The following PAK4 variants were observed in gnomAD, a reference collection of about 807,000 sequenced individuals.
PAK4 encodes the protein p21 (RAC1) activated kinase 4, also known as serine/threonine-protein kinase PAK 4.
A neutral mutation model predicts 53.5 loss-of-function variants in PAK4; 49 were observed. The observed-to-expected ratio is 0.92, with a 90% CI of 0.73 to 1.16. The LOEUF (loss-of-function observed/expected upper bound fraction) is 1.16, where lower values mean the gene tolerates loss of function less well. Among genes scored for constraint, PAK4 ranks in the 50% most tolerant of loss-of-function variants. The probability of loss-of-function intolerance (pLI) is 0.00; values close to 1 mark genes in which losing one functional copy is unlikely to be tolerated. For missense variants in PAK4, 824 were observed against 850.7 expected (o/e 0.97, Z 0.39); for synonymous variants, 376 against 375.6 (o/e 1.00, Z -0.01).
chr19:39,179,866 A>T (rs2074682715), downstream of PAK4: 1 of 152,190 alleles, frequency 6.6e-6, no homozygotes, highest in Non-Finnish European at 1.5e-5. Flanking sequence ...TCCACGCAGG[A>T]GCCCAGAGCC....
chr19:39,164,031 C>T (rs1211463354), intron 1 of PAK4, among the ~76,000 whole-genome samples: 3 of 152,154 alleles, frequency 2.0e-5, no homozygotes, highest in Non-Finnish European at 4.4e-5. Flanking sequence ...AATCCCAACA[C>T]TTTGGGAGGC....
chr19:39,171,306 T>G (rs2074474696), intron 2 of PAK4, among the ~76,000 whole-genome samples: 1 of 152,000 alleles, frequency 6.6e-6, no homozygotes, highest in African/African-American at 2.4e-5. Context: ...CCTCCTGGGT[T>G]CAAGCGATTT....
intron 8 of PAK4, 139 bp downstream of exon 9, chr19:39,177,948 G>T: frequency 1.0e-6 from 1 of 981,932 alleles, no homozygotes. Context: ...CCCCACCCCC[G>T]GGCCTCATGT....
At position 39,173,210 on chromosome 19, in the gene PAK4, G is replaced by T. The variant is rs775587047; in HGVS notation, c.497G>T (p.Gly166Val). ...AAGAGGCCCAAGTCTTCCAGGGAGG[G>T]CTCAGGGGGTCCCCAGGAGTCCTCC... Residue 166 changes from glycine (G) to valine (V), a missense_variant, in exon 3 of 9, where the codon GGC (glycine) becomes GTC (valine). By Grantham distance (109) the Gly-to-Val change is moderately radical. Transcript: ENST00000358301. This position sits in a 1 kb window ranked among gnomAD's most constrained non-coding sequence, Gnocchi z 6.9. 6.4e-7 allele frequency: 1 copy of T among 1,555,636 alleles called. No homozygotes were observed. The highest frequency in any genetic ancestry group is 1.9e-5 in the Admixed American group (1 of 51,918).
rs1057487673 is a variant in PAK4 at position 39,173,425 on chromosome 19, C to G, written c.663+49C>G. ...CCCCCACTGTCCCCTGCCCGTTGCT[C>G]CTCTGTCCCCACCTTCCAGCCCCGC... On this transcript the variant is annotated intron_variant, in intron 3 of 8. Coordinates refer to ENST00000358301, the Ensembl canonical transcript of PAK4. The surrounding 1 kb of genome is among the most constrained non-coding windows in gnomAD (Gnocchi z 6.9). 1 of 1,427,490 alleles carries G rather than the reference C, an allele frequency of 7.0e-7. No homozygotes were observed. Among genetic ancestry groups the G allele is most frequent in the Non-Finnish European group, 9.4e-7 (1 of 1,068,048 alleles). 88.4% of individuals were successfully genotyped at this position (1,427,490 alleles called of 1,614,324 possible). A position where few individuals can be genotyped will look rare whatever the true frequency, so the allele number is the denominator to read the frequency against.
chr19:39,171,751 C>A (rs2074484736), intron 2 of PAK4, among the ~76,000 whole-genome samples: 2 of 152,196 alleles, frequency 1.3e-5, no homozygotes, highest in African/African-American at 4.8e-5. Flanking sequence ...AGGCAGGCCT[C>A]CGGCTGGAGG....
intron 1 of PAK4, among the ~76,000 whole-genome samples, chr19:39,166,930 A>G (rs1247399170): frequency 1.3e-5 from 2 of 152,234 alleles, no homozygotes; most frequent in African/African-American, 2.4e-5. Context: ...CCCTCTGTGC[A>G]GTGCCCAGAG....
chr19:39,147,849 T>TG (rs1176658528), intron 1 of PAK4, among the ~76,000 whole-genome samples: 1 of 147,332 alleles, frequency 6.8e-6, no homozygotes, highest in East Asian at 1.9e-4. Flanking sequence ...GGGTTTTTTT[T>TG]TTTTTTTTTT....
intron 4 of PAK4, 93 bp from the exon 6 acceptor site, chr19:39,174,838 G>A: frequency 6.8e-7 from 1 of 1,466,412 alleles, no homozygotes. Flanking sequence ...GCTTAATGTG[G>A]AACTGCAGGG....
intron 1 of PAK4, among the ~76,000 whole-genome samples, chr19:39,141,426 CT>C (rs2073907780): frequency 6.6e-6 from 1 of 151,506 alleles, no homozygotes; most frequent in Non-Finnish European, 1.5e-5. Flanking sequence ...AGTGATTCTC[CT>C]GCCTCAGCCT....
At chr19:39,142,162 G>A (rs1220045430) in intron 1 of PAK4, among the ~76,000 whole-genome samples, 6 of 152,154 alleles carry the variant, frequency 3.9e-5, no homozygotes, top group Admixed American at 2.6e-4. Flanking sequence ...GCTCTTTGGC[G>A]TGCATGTTGT....
chr19:39,167,154 T>G (rs1163815425), intron 1 of PAK4, among the ~76,000 whole-genome samples: 1 of 152,214 alleles, frequency 6.6e-6, no homozygotes, highest in Non-Finnish European at 1.5e-5. Flanking sequence ...CCCTCCGGGC[T>G]TAGTGAGGGG....
At chr19:39,138,836 C>T (rs1287990464) in intron 1 of PAK4, among the ~76,000 whole-genome samples, 4 of 152,186 alleles carry the variant, frequency 2.6e-5, no homozygotes, top group South Asian at 2.1e-4. Flanking sequence ...CTCTGGGATG[C>T]GGGAAGCAGC....
chr19:39,138,276 C>G (rs1039996538), intron 1 of PAK4, among the ~76,000 whole-genome samples: 1 of 151,760 alleles, frequency 6.6e-6, no homozygotes, highest in Non-Finnish European at 1.5e-5. Flanking sequence ...TAGTCTCAAA[C>G]TCCTGAGCTC....
intron 1 of PAK4, among the ~76,000 whole-genome samples, chr19:39,165,431 C>T (rs996847543): frequency 2.0e-5 from 3 of 149,650 alleles, no homozygotes; most frequent in Non-Finnish European, 4.4e-5. Context: ...AGGAGAATGG[C>T]GCAAACCCGG....
At chr19:39,130,231 C>G (rs73930288) in intron 1 of PAK4, among the ~76,000 whole-genome samples, 1 of 66,924 alleles carries the variant, frequency 1.5e-5, no homozygotes, top group African/African-American at 4.4e-5. Flanking sequence ...CAGGGTGGGA[C>G]TGGGGGGGAC....
chr19:39,159,494 T>A (rs1344418499), intron 1 of PAK4, among the ~76,000 whole-genome samples: 1 of 152,176 alleles, frequency 6.6e-6, no homozygotes, highest in Non-Finnish European at 1.5e-5. Context: ...CAAGTGATTC[T>A]CGTGCCTCAG....
intron 1 of PAK4, among the ~76,000 whole-genome samples, chr19:39,150,319 G>T (rs901529592): frequency 5.3e-5 from 8 of 152,074 alleles, no homozygotes; most frequent in Non-Finnish European, 1.2e-4. Context: ...GCATTTTGGA[G>T]CTCCTCTAGG....
At chr19:39,169,727 C>T (rs200638581) in exon 2 of PAK4, 6 of 1,608,758 alleles carry the variant, frequency 3.7e-6, no homozygotes, top group Admixed American at 3.3e-5. Context: ...ACCCCGCCTG[C>T]ATCACCTCCA....
Sources: allele counts gnomAD v4.1 joint callset (sites outside exome capture counted in the v4.1 genomes callset), GRCh38; gene constraint gnomAD v4.1.1; non-coding constraint Gnocchi (gnomAD v3.1); transcripts MANE v1.5; gene names NCBI Gene and HGNC (gene_info 2026-07-23, HGNC 2026-07-21).